PLCG2: variants seen among roughly 807,000 people sequenced by gnomAD.
The protein encoded by PLCG2 is phospholipase C gamma 2.
PLCG2 carries 69 observed loss-of-function variants against 175.6 expected under a neutral mutation model. The ratio of observed to expected loss-of-function variants is 0.39; its 90% CI spans 0.32 to 0.48. The LOEUF (loss-of-function observed/expected upper bound fraction) is 0.48. PLCG2 is among the 20% of genes least tolerant of loss of function. PLCG2 has a pLI of 0.91. For synonymous variants in PLCG2, 827 were observed against 624.0 expected, an observed-to-expected ratio of 1.33 and a Z score of -4.85; for missense variants, 1,798 against 1,650.9, an observed-to-expected ratio of 1.09 and a Z score of -1.54.
Position 81,960,921 on chromosome 16 carries a change from G to A in PLCG2, c.*2923G>A, listed in dbSNP as rs1297873847. The A allele has an allele frequency of 4.4e-6, 1 of 229,246 alleles. No homozygotes were observed. The highest frequency in any genetic ancestry group is 5.7e-5 in the Admixed American group (1 of 17,664). The allele number at this position is 229,246 out of a possible 1,614,324, so 14.2% of individuals were successfully genotyped here. A position where few individuals can be genotyped will look rare whatever the true frequency, so the allele number is the denominator to read the frequency against. On this transcript the variant is annotated 3_prime_UTR_variant, in exon 33 of 33. Coordinates refer to ENST00000564138, the MANE Select transcript of PLCG2 (RefSeq NM_002661.5). ...TCTTCTCTAAGATTCATCTGCCTGA[G>A]AAAATGCCCTTTTCTCACCTTACAA...
chr16:81,880,132 G>A (rs957531077), intron 7 of PLCG2, among the ~76,000 whole-genome samples: 2 of 152,120 alleles, frequency 1.3e-5, no homozygotes, highest in African/African-American at 2.4e-5. Context: ...TCCTAGTTAC[G>A]CAGGAAGCTA....
At chr16:81,809,630 C>G (rs957906342) in intron 2 of PLCG2, among the ~76,000 whole-genome samples, 9 of 152,160 alleles carry the variant, frequency 5.9e-5, no homozygotes, top group African/African-American at 2.2e-4. Context: ...TCAGGAAACA[C>G]ATGGACCAGA....
rs1332813662 is a variant in PLCG2, at chr16:81,961,809, C to G, written c.*3811C>G. On this transcript the variant is annotated 3_prime_UTR_variant, in exon 33 of 33. Transcript: ENST00000564138. ...ATGTAGTGTCTACGGTATGCCAGCA[C>G]TTTGCAGCTATTTATAATGAGAAAT... The G allele has an allele frequency of 3.0e-5, 6 of 203,360 alleles. No individual in the cohort carries two copies. Among genetic ancestry groups the G allele is most frequent in the Non-Finnish European group, 6.1e-5 (6 of 99,132 alleles). The allele number at this position is 203,360 out of a possible 1,614,324, so 12.6% of individuals were successfully genotyped here.
intron 2 of PLCG2, among the ~76,000 whole-genome samples, chr16:81,787,546 T>G (rs146848625): frequency 0.013 from 1,909 of 151,528 alleles, 33 homozygotes; most frequent in African/African-American, 0.043. Context: ...TTTTTTTTTT[T>G]TTTTATAATA....
chr16:81,871,519 G>A (rs1025766354), intron 7 of PLCG2, among the ~76,000 whole-genome samples: 3 of 152,068 alleles, frequency 2.0e-5, no homozygotes, highest in African/African-American at 4.8e-5. Flanking sequence ...TGTATTTTTA[G>A]TAGAGATGGG....
intron 28 of PLCG2, chr16:81,938,529 G>C: frequency 4.1e-6 from 2 of 482,034 alleles, no homozygotes; most frequent in South Asian, 3.2e-5. Flanking sequence ...CTTGGGCATG[G>C]ATGTGTGCAT....
intron 2 of PLCG2, among the ~76,000 whole-genome samples, chr16:81,795,059 G>A (rs1021557594): frequency 2.0e-5 from 3 of 152,214 alleles, no homozygotes; most frequent in Non-Finnish European, 4.4e-5. Flanking sequence ...TTCCTTTGTT[G>A]ATTTAGCAAA....
chr16:81,803,806 T>C (rs967253110), intron 2 of PLCG2, among the ~76,000 whole-genome samples: 1 of 151,998 alleles, frequency 6.6e-6, no homozygotes, highest in African/African-American at 2.4e-5. Context: ...CTCAGCCTCC[T>C]GAGTGGCTGG....
chr16:81,900,280 A>C (rs192778201), intron 13 of PLCG2, among the ~76,000 whole-genome samples: 2 of 152,348 alleles, frequency 1.3e-5, no homozygotes, highest in East Asian at 3.9e-4. Flanking sequence ...CTGTCTGTTC[A>C]TCTTTTCTGT....
At chr16:81,917,841 C>A (rs1303649379) in intron 19 of PLCG2, among the ~76,000 whole-genome samples, 1 of 152,164 alleles carries the variant, frequency 6.6e-6, no homozygotes, top group Non-Finnish European at 1.5e-5. Flanking sequence ...CTTGCCTCAG[C>A]CTCCCGAGTA....
At chr16:81,851,759 C>A (rs568165173) in intron 2 of PLCG2, among the ~76,000 whole-genome samples, 23 of 152,320 alleles carry the variant, frequency 1.5e-4, no homozygotes, top group African/African-American at 5.5e-4. Flanking sequence ...GTGATCTGCC[C>A]GCCTTGGCCT....
intron 1 of PLCG2, among the ~76,000 whole-genome samples, chr16:81,752,204 C>T (rs1225928505): frequency 6.6e-6 from 1 of 152,024 alleles, no homozygotes; most frequent in Admixed American, 6.6e-5. Flanking sequence ...TCTCAGAGTT[C>T]CCTGATGCTG....
At chr16:81,789,233 C>G (rs1911117648) in intron 2 of PLCG2, among the ~76,000 whole-genome samples, 2 of 152,228 alleles carry the variant, frequency 1.3e-5, no homozygotes, top group South Asian at 2.1e-4. Flanking sequence ...AAATCTATGC[C>G]CTGTCATTCT....
intron 6 of PLCG2, 66 bp from the exon 7 acceptor site, chr16:81,870,786 A>AT: frequency 1.2e-6 from 1 of 816,300 alleles, no homozygotes; most frequent in East Asian, 2.6e-5. Flanking sequence ...TTATTCTATA[A>AT]ATAGCATGGA....
At chr16:81,759,561 C>T (rs1909995738) in intron 2 of PLCG2, among the ~76,000 whole-genome samples, 2 of 152,296 alleles carry the variant, frequency 1.3e-5, no homozygotes, top group Admixed American at 6.5e-5. Flanking sequence ...TTCAGTGCCT[C>T]TGCCACCGTA....
At chr16:81,746,896 G>T (rs748366294) in intron 1 of PLCG2, among the ~76,000 whole-genome samples, 1 of 152,124 alleles carries the variant, frequency 6.6e-6, no homozygotes, top group Admixed American at 6.5e-5. Flanking sequence ...GAGCACGGGG[G>T]ACTTTGTCAT....
intron 27 of PLCG2, among the ~76,000 whole-genome samples, chr16:81,937,175 G>A (rs143214451): frequency 3.3e-5 from 5 of 152,304 alleles, no homozygotes; most frequent in East Asian, 3.9e-4. Flanking sequence ...GATCGTGGGC[G>A]GGGATGCAAA....
chr16:81,871,019 C>T, intron 7 of PLCG2, 84 bp downstream of exon 7: 1 of 700,734 alleles, frequency 1.4e-6, no homozygotes, highest in Admixed American at 2.8e-5. Context: ...AAGAAACCCA[C>T]AAGAAGTGTT....
At chr16:81,863,800 C>T (rs985513190) in intron 5 of PLCG2, among the ~76,000 whole-genome samples, 25 of 152,358 alleles carry the variant, frequency 1.6e-4, no homozygotes, top group African/African-American at 5.3e-4. Flanking sequence ...GTGCACTTCC[C>T]TTTGTCCTTT....
Sources: allele counts gnomAD v4.1 joint callset (sites outside exome capture counted in the v4.1 genomes callset), GRCh38; gene constraint gnomAD v4.1.1; transcripts MANE v1.5; gene names NCBI Gene and HGNC (gene_info 2026-07-23, HGNC 2026-07-21).